Variants in OSBPL5 observed in about 807,000 individuals in gnomAD.
The protein encoded by OSBPL5 is oxysterol binding protein like 5.
A neutral mutation model predicts 111.2 loss-of-function variants in OSBPL5; 71 were observed. That is an observed-to-expected ratio of 0.64 (90% confidence interval 0.53 to 0.78). The LOEUF (loss-of-function observed/expected upper bound fraction) is 0.78, where lower values mean the gene tolerates loss of function less well. Ranked by LOEUF, OSBPL5 falls within the 30% of genes least tolerant of loss-of-function variation. OSBPL5 has a pLI of 0.00. For synonymous variants in OSBPL5, 549 were observed against 513.9 expected (o/e 1.07, Z -0.93); for missense variants, 1,210 against 1,189.3 (o/e 1.02, Z -0.26).
chr11:3,119,750 A>AGGGCCACC (rs1331369298), intron 6 of OSBPL5, 119 bp from the exon 7 acceptor site: 1 of 935,454 alleles, frequency 1.1e-6, no homozygotes, highest in African/African-American at 1.8e-5. Context: ...CCAGGGCCAC[A>AGGGCCACC]GGGCCACCAG....
chr11:3,120,392 C>G (rs747716679), intron 6 of OSBPL5, 29 bp downstream of exon 6: 8 of 1,598,654 alleles, frequency 5.0e-6, no homozygotes, highest in Non-Finnish European at 6.0e-6. Context: ...TACGGGGCCT[C>G]TGTCTTCAAC....
chr11:3,089,170 C>T (rs1856974704), intron 21 of OSBPL5, among the ~76,000 whole-genome samples: 2 of 152,198 alleles, frequency 1.3e-5, no homozygotes, highest in Admixed American at 6.5e-5. Flanking sequence ...GACAGTTCCC[C>T]AAGGCTCTTG....
In OSBPL5 at chr11:3,119,651, G is replaced by T. The variant is rs1332104758; in HGVS notation, c.607-20C>A. Reference sequence around the variant, plus strand: ...GGGGCCCTGGAGAGAGAGAGATCTGGGTGTCACCCGAGGCAACACCCAGGG... The same window carrying T: ...GGGGCCCTGGAGAGAGAGAGATCTGTGTGTCACCCGAGGCAACACCCAGGG... On this transcript the variant is annotated intron_variant, in intron 6 of 21. Transcript: ENST00000263650. The T allele has an allele frequency of 1.3e-6, 2 of 1,576,220 alleles. No individual in the cohort carries two copies. The highest frequency in any genetic ancestry group is 1.9e-5 in the Admixed American group (1 of 53,302).
chr11:3,093,600 C>G lies in OSBPL5; in HGVS notation c.1873G>C (p.Gly625Arg). 2 of 1,612,832 alleles carry G rather than the reference C, an allele frequency of 1.2e-6. No homozygotes were observed. The highest frequency in any genetic ancestry group is 1.1e-5 in the South Asian group (1 of 91,090). Residue 625 changes from glycine (G) to arginine (R), a missense_variant, in exon 17 of 22, where the codon GGG becomes CGG. Physicochemically the swap from Gly to Arg is moderately radical, Grantham distance 125. Coordinates refer to ENST00000263650, the MANE Select transcript of OSBPL5 (RefSeq NM_020896.4). ...CTCAGCCTCTGTCTGCGGACCTCCC[C>G]GCTCGGGGTCCAGAAAAGCGCACTG... is the stretch of plus-strand genomic sequence containing the variant. ...GSSALFWTPS[G>R]EVRRQRLRQH...
chr11:3,090,909 G>A (rs1590628019), intron 19 of OSBPL5, among the ~76,000 whole-genome samples: 1 of 152,216 alleles, frequency 6.6e-6, no homozygotes, highest in Admixed American at 6.5e-5. Flanking sequence ...TTCCTCATGG[G>A]TGAGACAGAG....
At position 3,126,579 on chromosome 11, in the gene OSBPL5, G is replaced by C. The variant is rs376884070; in HGVS notation, c.137-24C>G. On this transcript the variant is annotated intron_variant, in intron 2 of 21. Coordinates refer to ENST00000263650, the MANE Select transcript of OSBPL5 (RefSeq NM_020896.4). The surrounding 1 kb of genome is among the most constrained non-coding windows in gnomAD (Gnocchi z 6.5). ...CCCTGCAAGAGAGCAGTGGGAGTGA[G>C]GACCCAGGCATGGTGGCGTGGCCAG... The C allele has an allele frequency of 3.9e-5, 62 of 1,595,102 alleles. No homozygotes were observed. Among genetic ancestry groups the C allele is most frequent in the Non-Finnish European group, 5.0e-5 (59 of 1,172,192 alleles).
At chr11:3,133,704 C>T (rs1046069734) in intron 1 of OSBPL5, among the ~76,000 whole-genome samples, 1 of 152,260 alleles carries the variant, frequency 6.6e-6, no homozygotes, top group Non-Finnish European at 1.5e-5. Flanking sequence ...GCGTCCATCT[C>T]CAGCTGTGAT....
In OSBPL5 at chr11:3,162,742, G is replaced by A. The variant is rs1049176726; in HGVS notation, c.-22+2474C>T. On this transcript the variant is annotated intron_variant, in intron 1 of 21. Coordinates refer to ENST00000263650, the MANE Select transcript of OSBPL5 (RefSeq NM_020896.4). This position sits in a 1 kb window ranked among gnomAD's most constrained non-coding sequence, Gnocchi z 8.1. Reference sequence around the variant, plus strand: ...GAGCCCCATCCTCAGGCTGTCAGTTGCCTCCTCAAGCTGCAGGCTCGGTAA... The same window carrying A: ...GAGCCCCATCCTCAGGCTGTCAGTTACCTCCTCAAGCTGCAGGCTCGGTAA... 2.0e-5 allele frequency among the ~76,000 whole-genome samples: 3 copies of A among 151,956 alleles called. No homozygotes were observed. The highest frequency in any genetic ancestry group is 2.0e-4 in the Admixed American group (3 of 15,268).
intron 1 of OSBPL5, among the ~76,000 whole-genome samples, chr11:3,163,017 C>G (rs1393482190): frequency 6.6e-6 from 1 of 151,920 alleles, no homozygotes; most frequent in African/African-American, 2.4e-5. Context: ...TAACGGCTCC[C>G]TCCCCGACAG....
Position 3,104,985 on chromosome 11 carries a change from C to T in OSBPL5, c.1060-608G>A, listed in dbSNP as rs1426703510. On this transcript the variant is annotated intron_variant, in intron 9 of 21. Transcript: ENST00000263650. The surrounding 1 kb of genome is among the most constrained non-coding windows in gnomAD (Gnocchi z 5.0). ...CCTCACTTCCGAAGCCTGTGTGCCC[C>T]TCACGAAGGCCCCCTCATCTCTTCC... 6.6e-6 allele frequency among the ~76,000 whole-genome samples: 1 copy of T among 152,172 alleles called. No individual in the cohort carries two copies. The highest frequency in any genetic ancestry group is 1.5e-5 in the Non-Finnish European group (1 of 68,026).
intron 1 of OSBPL5, among the ~76,000 whole-genome samples, chr11:3,151,692 A>C (rs1368156216): frequency 1.3e-5 from 2 of 152,256 alleles, no homozygotes; most frequent in Non-Finnish European, 2.9e-5. Flanking sequence ...GCGTTAATCC[A>C]AAAAGAAAAC....
In OSBPL5 at chr11:3,105,490, T is replaced by A. The variant is rs1465073690; in HGVS notation, c.1060-1113A>T. Among the ~76,000 whole-genome samples the A allele has an allele frequency of 6.6e-6, 1 of 152,124 alleles. No individual in the cohort carries two copies. Among genetic ancestry groups the A allele is most frequent in the Non-Finnish European group, 1.5e-5 (1 of 68,004 alleles). On this transcript the variant is annotated intron_variant, in intron 9 of 21. Coordinates refer to ENST00000263650, the MANE Select transcript of OSBPL5 (RefSeq NM_020896.4). The surrounding 1 kb of genome is among the most constrained non-coding windows in gnomAD (Gnocchi z 5.2). ...TGGAAATCATGGGTAGCTTCGGCTG[T>A]CAGGAATCCTGCTCTGTCCATGTGC...
At chr11:3,134,492 G>A (rs10833322) in intron 1 of OSBPL5, among the ~76,000 whole-genome samples, 75,613 of 152,128 alleles carry the variant, frequency 0.5, 20,474 homozygotes, top group Non-Finnish European at 0.61. Flanking sequence ...GAAGGCTCAA[G>A]GTGAGCAGGG....
At chr11:3,119,800 G>A (rs1266351031) in intron 6 of OSBPL5, 169 bp from the exon 7 acceptor site, 1 of 566,244 alleles carries the variant, frequency 1.8e-6, no homozygotes, top group African/African-American at 2.0e-5. Context: ...CTTGGCTGCA[G>A]AGAGGCGGGT....
At chr11:3,118,570 AT>A (rs143316664) in intron 7 of OSBPL5, among the ~76,000 whole-genome samples, 56,403 of 123,810 alleles carry the variant, frequency 0.46, 11,741 homozygotes, top group Admixed American at 0.51. Flanking sequence ...AAAATAAACT[AT>A]TTTTTTTTTT....
In OSBPL5 at chr11:3,094,311, G is replaced by A. The variant is rs1382660009; in HGVS notation, c.1645C>T (p.Leu549=). Residue 549 remains leucine (L), a synonymous_variant, in exon 15 of 22, where the codon CTG becomes TTG. Coordinates refer to ENST00000263650, the MANE Select transcript of OSBPL5 (RefSeq NM_020896.4). ...ATGGTGACCTTCCCACCCAGCTCCA[G>A]GGTCATCGTGCCATACAGGATTCCT... ...CKGILYGTMT[L]ELGGKVTIEC... is the part of the protein sequence containing the mutation. 1 of 1,613,444 alleles carries A rather than the reference G, an allele frequency of 6.2e-7. No individual in the cohort carries two copies. Among genetic ancestry groups the A allele is most frequent in the African/African-American group, 1.3e-5 (1 of 74,946 alleles).
intron 1 of OSBPL5, among the ~76,000 whole-genome samples, chr11:3,150,321 T>C (rs779733532): frequency 6.6e-6 from 1 of 152,122 alleles, no homozygotes; most frequent in African/African-American, 2.4e-5. Context: ...AAAAAAAGTT[T>C]TTTGGTTCCC....
rs573699566 is a variant in OSBPL5 at position 3,154,126 on chromosome 11, G to T, written c.-22+11090C>A. Among the ~76,000 whole-genome samples the T allele has an allele frequency of 1.6e-4, 24 of 152,240 alleles. No homozygotes were observed. Among genetic ancestry groups the T allele is most frequent in the African/African-American group, 5.5e-4 (23 of 41,466 alleles). On this transcript the variant is annotated intron_variant, in intron 1 of 21. Coordinates refer to ENST00000263650, the MANE Select transcript of OSBPL5 (RefSeq NM_020896.4). This position sits in a 1 kb window ranked among gnomAD's most constrained non-coding sequence, Gnocchi z 4.9. ...CACTCTCCCTGGGAGGAAAGGCCCC[G>T]TGTGGTGTCCAGAGAGCTGCTGTAG...
At chr11:3,157,017 G>A (rs541188367) in intron 1 of OSBPL5, among the ~76,000 whole-genome samples, 2 of 152,374 alleles carry the variant, frequency 1.3e-5, no homozygotes, top group African/African-American at 2.4e-5. Context: ...GCCACTCCTC[G>A]GGGCCCCCAA....
Sources: allele counts gnomAD v4.1 joint callset (sites outside exome capture counted in the v4.1 genomes callset), GRCh38; gene constraint gnomAD v4.1.1; non-coding constraint Gnocchi (gnomAD v3.1); transcripts MANE v1.5; gene names NCBI Gene and HGNC (gene_info 2026-07-23, HGNC 2026-07-21).